The following MPPE1 variants were observed in gnomAD, a reference collection of about 807,000 sequenced individuals.
MPPE1 encodes the protein metallophosphoesterase 1.
MPPE1 carries 28 observed loss-of-function variants against 43.8 expected under a neutral mutation model. The ratio of observed to expected loss-of-function variants is 0.64; its 90% CI spans 0.47 to 0.88. MPPE1 has a LOEUF of 0.88. MPPE1 is among the 40% of genes least tolerant of loss of function. MPPE1 has a pLI of 0.00. For synonymous variants in MPPE1, 159 were observed against 188.5 expected (o/e 0.84, Z 1.28); for missense variants, 428 against 492.2 (o/e 0.87, Z 1.23).
intron 4 of MPPE1, chr18:11,893,124 T>TC: frequency 4.7e-6 from 1 of 214,156 alleles, no homozygotes; most frequent in Non-Finnish European, 9.3e-6. Flanking sequence ...TTTTGCAATT[T>TC]CGGTGACAAC....
chr18:11,898,116 T>G (rs2038782515), intron 2 of MPPE1, among the ~76,000 whole-genome samples: 1 of 152,254 alleles, frequency 6.6e-6, no homozygotes, highest in African/African-American at 2.4e-5. Context: ...TCACCCAGGC[T>G]GGAGTGCAGT....
rs1567915934 is a variant in MPPE1, at chr18:11,884,246, A to G, written c.*199T>C. 2 of 563,308 alleles carry G rather than the reference A, an allele frequency of 3.6e-6. No individual in the cohort carries two copies. The allele number at this position is 563,308 out of a possible 1,614,324, so 34.9% of individuals were successfully genotyped here. ...AAAAATGAGAAAACAGATTTGTTGT[A>G]GAGTACCTGTCCACTTTTATAGCAT... On this transcript the variant is annotated 3_prime_UTR_variant, in exon 11 of 11. Transcript: ENST00000588072.
At position 11,906,287 on chromosome 18, in the gene MPPE1, C is replaced by T. The variant is rs923235948; in HGVS notation, c.-177G>A. 1 of 152,142 alleles carries T rather than the reference C, an allele frequency of 6.6e-6. No homozygotes were observed. Among genetic ancestry groups the T allele is most frequent in the Non-Finnish European group, 1.5e-5 (1 of 68,030 alleles). 9.4% of individuals were successfully genotyped at this position (152,142 alleles called of 1,614,324 possible). ...ACGAGGCTCTAAGTTGGCATCTGCT[C>T]CCCAAAATCAGAATTCATTTATCTG... On this transcript the variant is annotated 5_prime_UTR_variant, in exon 2 of 11. Transcript: ENST00000588072.
chr18:11,884,212 A>G lies in MPPE1; in HGVS notation c.*233T>C. 7.9e-6 allele frequency: 4 copies of G among 507,628 alleles called. No homozygotes were observed. Among genetic ancestry groups the G allele is most frequent in the Admixed American group, 3.2e-5 (1 of 30,774 alleles). 31.4% of individuals were successfully genotyped at this position (507,628 alleles called of 1,614,324 possible). A position where few individuals can be genotyped will look rare whatever the true frequency, so the allele number is the denominator to read the frequency against. ...ACAGATGCAACCTTTGATGATACATATATTTGATAAAAATGAGAAAACAGA... is the reference window on the plus strand; with the variant it reads ...ACAGATGCAACCTTTGATGATACATGTATTTGATAAAAATGAGAAAACAGA... On this transcript the variant is annotated 3_prime_UTR_variant, in exon 11 of 11. Transcript: ENST00000588072.
rs1449016314 is a variant in MPPE1 at position 11,884,607 on chromosome 18, G to A, written c.1029C>T (p.Asp343=). The A allele has an allele frequency of 1.9e-6, 3 of 1,613,744 alleles. No homozygotes were observed. The highest frequency in any genetic ancestry group is 1.7e-4 in the Middle Eastern group (1 of 6,050). Residue 343 remains aspartate (D), a synonymous_variant, in exon 11 of 11, where the codon GAC becomes GAT. Transcript: ENST00000588072. ...SFIMGSITPT[D]YTLSKCYLPR... ...GGAGGTAGCACTTGGAGAGGGTGTA[G>A]TCTGTGGGCGTGATGCTACCCTGGA...
intron 1 of MPPE1, among the ~76,000 whole-genome samples, chr18:11,906,543 G>A (rs1436924675): frequency 1.3e-5 from 2 of 152,100 alleles, no homozygotes; most frequent in African/African-American, 4.8e-5. Context: ...ATCACTGCAA[G>A]CCATAATTGG....
intron 2 of MPPE1, among the ~76,000 whole-genome samples, chr18:11,903,807 AAAAAACAAAAAAAC>A (rs148305778): frequency 0.034 from 5,226 of 152,286 alleles, 167 homozygotes; most frequent in African/African-American, 0.073. Flanking sequence ...CTCCGTCTCA[AAAAAACAAAAAAAC>A]AAAAACAAAA....
chr18:11,900,909 TAAA>T (rs559247706), intron 2 of MPPE1, among the ~76,000 whole-genome samples: 3 of 126,220 alleles, frequency 2.4e-5, no homozygotes. Flanking sequence ...TCCGTCTCAT[TAAA>T]AAAAAAAAAA....
chr18:11,894,431 CAAAAAAAAAAAA>C (rs66687820), intron 3 of MPPE1, among the ~76,000 whole-genome samples: 2 of 65,164 alleles, frequency 3.1e-5, no homozygotes, highest in African/African-American at 5.2e-5. Context: ...GACTCCATCT[CAAAAAAAAAAAA>C]AAAAAAAAAA....
At chr18:11,890,153 A>G (rs920898880) in intron 4 of MPPE1, among the ~76,000 whole-genome samples, 16 of 151,606 alleles carry the variant, frequency 1.1e-4, no homozygotes, top group East Asian at 2.0e-4. Flanking sequence ...TGTGTTAGCC[A>G]GGATGGTCGC....
At chr18:11,888,442 G>A (rs534402960) in intron 6 of MPPE1, among the ~76,000 whole-genome samples, 10 of 152,296 alleles carry the variant, frequency 6.6e-5, no homozygotes, top group Admixed American at 2.6e-4. Flanking sequence ...TAAACTGACC[G>A]ATTCATTATG....
chr18:11,907,025 G>A (rs2039789826), intron 1 of MPPE1, among the ~76,000 whole-genome samples: 1 of 152,044 alleles, frequency 6.6e-6, no homozygotes, highest in South Asian at 2.1e-4. Context: ...AGTTAACCTT[G>A]TTTTAGGTTG....
chr18:11,882,747 A>C lies in MPPE1; in HGVS notation c.*1698T>G, dbSNP rs1457642114. 1 of 151,458 alleles carries C rather than the reference A, an allele frequency of 6.6e-6. No individual in the cohort carries two copies. Among genetic ancestry groups the C allele is most frequent in the Non-Finnish European group, 1.5e-5 (1 of 67,906 alleles). The allele number at this position is 151,458 out of a possible 1,614,324, so 9.4% of individuals were successfully genotyped here. A position where few individuals can be genotyped will look rare whatever the true frequency, so the allele number is the denominator to read the frequency against. On this transcript the variant is annotated 3_prime_UTR_variant, in exon 11 of 11. Coordinates refer to ENST00000588072, the MANE Select transcript of MPPE1 (RefSeq NM_023075.6). ...TTGTGTCTGGCCTAGGAGAATGAGGATGACAGCTTCACTTGCCTTTTGAAG... is the reference window on the plus strand; with the variant it reads ...TTGTGTCTGGCCTAGGAGAATGAGGCTGACAGCTTCACTTGCCTTTTGAAG...
At position 11,884,493 on chromosome 18, in the gene MPPE1, T is replaced by C. The variant is rs760724495; in HGVS notation, c.1143A>G (p.Ser381=). The C allele has an allele frequency of 6.2e-7, 1 of 1,614,066 alleles. No homozygotes were observed. The highest frequency in any genetic ancestry group is 1.7e-5 in the Admixed American group (1 of 60,010). The change falls in exon 11 of 11, where the codon TCA becomes TCG. Residue 381 remains serine, a synonymous_variant. Coordinates refer to ENST00000588072, the MANE Select transcript of MPPE1 (RefSeq NM_023075.6). ...GCAAGTTCAAACCAGAAAGAAAAGGTGAGGCTAGAAGCCCAAAGTGAGTGA... is the reference window on the plus strand; with the variant it reads ...GCAAGTTCAAACCAGAAAGAAAAGGCGAGGCTAGAAGCCCAAAGTGAGTGA... The part of the protein sequence containing the change: ...LTLTHFGLLA[S]PFLSGLNLLG...
Position 11,886,927 on chromosome 18 carries a change from C to T in MPPE1, c.668G>A (p.Cys223Tyr). ...ELIEVSHRLNCSREARGSSRC... is the reference protein window; with the variant it reads ...ELIEVSHRLNYSREARGSSRC... ...CAGATGCTCTCCTACCTCTCGGGAGCAGTTCAGTCTGTGAGAAACTTCAAT... is the reference window on the plus strand; with the variant it reads ...CAGATGCTCTCCTACCTCTCGGGAGTAGTTCAGTCTGTGAGAAACTTCAAT... The change falls in exon 7 of 11, where the codon TGC (cysteine) becomes TAC (tyrosine). Residue 223 changes from cysteine to tyrosine, a missense_variant. Coordinates refer to ENST00000588072, the MANE Select transcript of MPPE1 (RefSeq NM_023075.6). This position sits in a 1 kb window ranked among gnomAD's most constrained non-coding sequence, Gnocchi z 4.1. 6.2e-7 allele frequency: 1 copy of T among 1,612,654 alleles called. No homozygotes were observed. Among genetic ancestry groups the T allele is most frequent in the South Asian group, 1.1e-5 (1 of 91,032 alleles).
intron 6 of MPPE1, among the ~76,000 whole-genome samples, chr18:11,887,479 C>T (rs1490364591): frequency 6.6e-6 from 1 of 152,186 alleles, no homozygotes; most frequent in Non-Finnish European, 1.5e-5. Context: ...TTGTGACTAA[C>T]AGGTAGAGGG....
chr18:11,889,894 G>C (rs2037775890), intron 4 of MPPE1, among the ~76,000 whole-genome samples: 1 of 150,488 alleles, frequency 6.6e-6, no homozygotes, highest in East Asian at 2.0e-4. Flanking sequence ...TTTGATGTGA[G>C]AAGTGAATGA....
intron 4 of MPPE1, among the ~76,000 whole-genome samples, chr18:11,889,991 G>A (rs2037791890): frequency 6.6e-6 from 1 of 150,790 alleles, no homozygotes; most frequent in Non-Finnish European, 1.5e-5. Context: ...TGCCCAGGCT[G>A]GAGTGCAGTG....
chr18:11,893,431 A>C (rs1406794334), intron 4 of MPPE1, 37 bp downstream of exon 4: 3 of 1,453,782 alleles, frequency 2.1e-6, no homozygotes, highest in Middle Eastern at 2.3e-4. Context: ...GCTGGACCTC[A>C]CAGCAGGATG....
Sources: gnomAD v4.1 joint callset for allele counts (sites outside exome capture counted in the v4.1 genomes callset) on GRCh38, gnomAD v4.1.1 for gene constraint, Gnocchi (gnomAD v3.1) non-coding constraint, MANE v1.5 for transcripts, NCBI Gene and HGNC (gene_info 2026-07-23, HGNC 2026-07-21) for gene names.